The following TBCK variants were observed in gnomAD, a reference collection of about 807,000 sequenced individuals.
TBCK encodes TBC domain-containing protein kinase-like protein.
Under a neutral mutation model 113.4 loss-of-function variants are expected in TBCK, and 99 were observed. The ratio of observed to expected loss-of-function variants is 0.87; its 90% confidence interval spans 0.74 to 1.03. The LOEUF is 1.03. Ranked by LOEUF, TBCK falls within the 50% of genes least tolerant of loss-of-function variation. The pLI is 0.00. For synonymous variants in TBCK, 369 were observed against 370.8 expected, an observed-to-expected ratio of 1.00 and a Z score of 0.05; for missense variants, 1,045 against 1,061.3, an observed-to-expected ratio of 0.98 and a Z score of 0.21.
chr4:106,304,468 T>A (rs1386834436), intron 2 of TBCK, among the ~76,000 whole-genome samples: 3 of 152,202 alleles, frequency 2.0e-5, no homozygotes, highest in African/African-American at 7.2e-5. Flanking sequence ...TAAATTGATA[T>A]TTTTTCCACG....
At chr4:106,179,821 A>G (rs1579146040) in intron 22 of TBCK, among the ~76,000 whole-genome samples, 1 of 151,968 alleles carries the variant, frequency 6.6e-6, no homozygotes, top group East Asian at 1.9e-4. Context: ...TGACCTGTGT[A>G]TTGCTAGAAG....
intron 20 of TBCK, among the ~76,000 whole-genome samples, chr4:106,211,505 G>A (rs927920580): frequency 2.0e-5 from 3 of 151,956 alleles, no homozygotes; most frequent in Non-Finnish European, 4.4e-5. Flanking sequence ...ACATTGTTTT[G>A]TAAAACTTAT....
chr4:106,089,991 T>C (rs1740021186), intron 25 of TBCK, among the ~76,000 whole-genome samples: 1 of 152,116 alleles, frequency 6.6e-6, no homozygotes, highest in African/African-American at 2.4e-5. Context: ...TTCCCAAAGC[T>C]CCACTAGCCG....
intron 4 of TBCK, among the ~76,000 whole-genome samples, chr4:106,260,766 TTTTC>T (rs1388516586): frequency 6.6e-6 from 1 of 151,920 alleles, no homozygotes; most frequent in African/African-American, 2.4e-5. Flanking sequence ...CAAATGACAT[TTTTC>T]TTTAATATTT....
rs1479403136 is a variant in TBCK at position 106,083,660 on chromosome 4, C to T, written c.2571+11822G>A. Among the ~76,000 whole-genome samples the T allele has an allele frequency of 6.6e-5, 10 of 152,300 alleles. No homozygotes were observed. In the South Asian group the frequency reaches 1.4e-3, roughly 22 times the overall value. ...AGACCATCCAACAGGGGTTATCAGA[C>T]ACCTTATACAGGAGTGATCCTACTG... On this transcript the variant is annotated intron_variant, in intron 25 of 25. Coordinates refer to ENST00000394708, the MANE Select transcript of TBCK (RefSeq NM_001163435.3).
rs376148658 is a variant in TBCK at position 106,293,307 on chromosome 4, C to T, written c.266+1787G>A. ...TTTTCTGCAGTGACAGCAACCAAAA[C>T]GAGATTACAGAGCAGAATGAACATA... On this transcript the variant is annotated intron_variant, in intron 3 of 25. Transcript: ENST00000394708. Among the ~76,000 whole-genome samples, 55 of 152,228 alleles carry T rather than the reference C, an allele frequency of 3.6e-4. No individual in the cohort carries two copies. In the South Asian group the frequency reaches 7.5e-3, roughly 21 times the overall value.
chr4:106,113,855 G>C (rs745759051), intron 24 of TBCK, among the ~76,000 whole-genome samples: 1 of 152,088 alleles, frequency 6.6e-6, no homozygotes, highest in Non-Finnish European at 1.5e-5. Flanking sequence ...CCATCTCTTA[G>C]ATACGCCTTT....
In TBCK at chr4:106,300,625, T is replaced by C. The variant is rs549669589; in HGVS notation, c.194-5459A>G. On this transcript the variant is annotated intron_variant, in intron 2 of 25. Transcript: ENST00000394708. ...TAGTATTGGTACCAGAACACTGTGATGGTCAGTTTTATGAGTCAGCTTAGC... is the reference window on the plus strand; with the variant it reads ...TAGTATTGGTACCAGAACACTGTGACGGTCAGTTTTATGAGTCAGCTTAGC... Among the ~76,000 whole-genome samples the C allele has an allele frequency of 5.9e-5, 9 of 152,318 alleles. No individual in the cohort carries two copies. The East Asian group carries it at 1.7e-3, about 29-fold the overall frequency.
At position 106,041,760 on chromosome 4, in the gene TBCK, C is replaced by T. The variant is rs968197442; in HGVS notation, c.*4810G>A. On this transcript the variant is annotated 3_prime_UTR_variant, in exon 26 of 26. Coordinates refer to ENST00000394708, the MANE Select transcript of TBCK (RefSeq NM_001163435.3). Reference sequence around the variant, plus strand: ...AGGAGACATTAGGCCTGAAAGTCACCGTAGAAGCTATACAGATCACAATCT... The same window carrying T: ...AGGAGACATTAGGCCTGAAAGTCACTGTAGAAGCTATACAGATCACAATCT... 2.6e-5 allele frequency: 4 copies of T among 152,020 alleles called. No individual in the cohort carries two copies. The highest frequency in any genetic ancestry group is 1.9e-4 in the East Asian group (1 of 5,188). The allele number at this position is 152,020 out of a possible 1,614,324, so 9.4% of individuals were successfully genotyped here.
At chr4:106,313,086 TC>T (rs1204291368) in intron 1 of TBCK, among the ~76,000 whole-genome samples, 4 of 152,208 alleles carry the variant, frequency 2.6e-5, no homozygotes, top group Non-Finnish European at 5.9e-5. Flanking sequence ...TCAAATTTTA[TC>T]TCACACAAAA....
At chr4:106,149,170 T>C (rs1335486848) in intron 23 of TBCK, among the ~76,000 whole-genome samples, 1 of 152,238 alleles carries the variant, frequency 6.6e-6, no homozygotes, top group Admixed American at 6.5e-5. Flanking sequence ...TAAGGGAATG[T>C]TGTGGCTGAC....
At chr4:106,289,175 C>A (rs1765419271) in intron 3 of TBCK, among the ~76,000 whole-genome samples, 1 of 152,160 alleles carries the variant, frequency 6.6e-6, no homozygotes, top group African/African-American at 2.4e-5. Context: ...TAGTGCAAAT[C>A]TTTTTGCATA....
chr4:106,183,142 G>A (rs1170719446), intron 22 of TBCK, among the ~76,000 whole-genome samples: 1 of 151,922 alleles, frequency 6.6e-6, no homozygotes, highest in Non-Finnish European at 1.5e-5. Flanking sequence ...GTTATCCCTG[G>A]ACAGCTGCTC....
At chr4:106,169,117 C>G (rs980414715) in intron 23 of TBCK, among the ~76,000 whole-genome samples, 5 of 152,038 alleles carry the variant, frequency 3.3e-5, no homozygotes, top group African/African-American at 4.8e-5. Flanking sequence ...GACAATCAAC[C>G]TGTATTGTCA....
chr4:106,176,319 T>A (rs1374871085), intron 22 of TBCK, among the ~76,000 whole-genome samples: 1 of 152,000 alleles, frequency 6.6e-6, no homozygotes, highest in Non-Finnish European at 1.5e-5. Context: ...TCTCTCTTCA[T>A]CCCCATCCCC....
At chr4:106,089,928 T>C (rs1365889737) in intron 25 of TBCK, among the ~76,000 whole-genome samples, 3 of 152,222 alleles carry the variant, frequency 2.0e-5, no homozygotes, top group African/African-American at 7.2e-5. Flanking sequence ...CATACTGCGG[T>C]TGCAAGCTTC....
Position 106,308,983 on chromosome 4 carries a change from A to C in TBCK, c.-23T>G, listed in dbSNP as rs1027768548. 9 of 1,595,712 alleles carry C rather than the reference A, an allele frequency of 5.6e-6. No homozygotes were observed. The highest frequency in any genetic ancestry group is 1.4e-5 in the African/African-American group (1 of 73,914). ...CATTTTTGGAGTCCTAGGTCTTCTA[A>C]GATAATCTGGAAAAGGAGAGAATTT... is the stretch of plus-strand genomic sequence containing the variant. On this transcript the variant is annotated 5_prime_UTR_variant, in exon 2 of 26. Coordinates refer to ENST00000394708, the MANE Select transcript of TBCK (RefSeq NM_001163435.3).
intron 20 of TBCK, among the ~76,000 whole-genome samples, chr4:106,197,341 AGTGTGTGTGT>A (rs34095868): frequency 7.0e-6 from 1 of 142,264 alleles, no homozygotes; most frequent in East Asian, 2.1e-4. Flanking sequence ...ATTACTGAAG[AGTGTGTGTGT>A]GTGTGTGTGT....
At chr4:106,087,816 T>C (rs1353612455) in intron 25 of TBCK, among the ~76,000 whole-genome samples, 1 of 152,174 alleles carries the variant, frequency 6.6e-6, no homozygotes, top group Non-Finnish European at 1.5e-5. Flanking sequence ...CCATCTGATC[T>C]TCAACAAACC....
Sources: allele counts gnomAD v4.1 joint callset (sites outside exome capture counted in the v4.1 genomes callset), GRCh38; gene constraint gnomAD v4.1.1; transcripts MANE v1.5; gene names NCBI Gene and HGNC (gene_info 2026-07-23, HGNC 2026-07-21).